Variants in ABCC9 observed in about 807,000 individuals in gnomAD.
The protein encoded by ABCC9 is ATP-binding cassette sub-family C member 9.
In ABCC9, 95 loss-of-function variants were observed where a neutral mutation model predicts 188.3. That is an observed-to-expected ratio of 0.50 (90% confidence interval 0.43 to 0.60). ABCC9 has a LOEUF of 0.60. Ranked by LOEUF, ABCC9 falls within the 20% of genes least tolerant of loss-of-function variation. The pLI is 0.00. For missense variants in ABCC9, 1,102 were observed against 1,876.3 expected (o/e 0.59, Z 7.62); for synonymous variants, 659 against 652.7 (o/e 1.01, Z -0.15).
rs1443380186 is a variant in ABCC9 at position 21,859,686 on chromosome 12, A to G, written c.2425-20T>C. ...GATGCCCTAGAGAAGAGACACCCCC[A>G]AATACCCATTTTTTAATATTAGTAA... On this transcript the variant is annotated intron_variant, in intron 21 of 39. Transcript: ENST00000261200. 1 of 1,603,170 alleles carries G rather than the reference A, an allele frequency of 6.2e-7. No homozygotes were observed. Among genetic ancestry groups the G allele is most frequent in the Admixed American group, 1.7e-5 (1 of 59,942 alleles).
At chr12:21,876,669 G>T (rs1946366238) in intron 16 of ABCC9, among the ~76,000 whole-genome samples, 1 of 152,120 alleles carries the variant, frequency 6.6e-6, no homozygotes, top group East Asian at 1.9e-4. Flanking sequence ...AACAGTAACA[G>T]AACCCAGGAA....
intron 29 of ABCC9, 151 bp downstream of exon 29, chr12:21,842,163 C>T (rs962140482): frequency 5.4e-5 from 48 of 890,116 alleles, no homozygotes; most frequent in East Asian, 1.1e-4. Flanking sequence ...ATGTAGTACT[C>T]GGCACATGAC....
In ABCC9 at chr12:21,829,056, C is replaced by T. The variant is rs2137272930; in HGVS notation, c.3571G>A (p.Glu1191Lys). The T allele has an allele frequency of 6.2e-7, 1 of 1,613,674 alleles. No individual in the cohort carries two copies. The highest frequency in any genetic ancestry group is 8.5e-7 in the Non-Finnish European group (1 of 1,179,678). The change falls in exon 31 of 40, where the codon GAA (glutamate) becomes AAA (lysine). Residue 1191 changes from glutamate (E) to lysine (K), a missense_variant. Around this residue, in one of 12 missense-constraint regions of ABCC9, gnomAD observed 143 missense variants for 225.6 expected, o/e 0.63. Transcript: ENST00000261200. ...AGCATACGTTGTTTAAATCTGGTTTCATGCCTGCAGAAAACAAAAACACGA... is the reference window on the plus strand; with the variant it reads ...AGCATACGTTGTTTAAATCTGGTTTTATGCCTGCAGAAAACAAAAACACGA... ...GLTTIRAFRH[E>K]TRFKQRMLEL...
At chr12:21,818,508 C>CTA (rs1236398856) in intron 31 of ABCC9, among the ~76,000 whole-genome samples, 4 of 131,242 alleles carry the variant, frequency 3.0e-5, no homozygotes, top group Non-Finnish European at 6.4e-5. Flanking sequence ...CTATATATAA[C>CTA]TATATAGATA....
At chr12:21,852,979 G>T (rs1323234841) in intron 22 of ABCC9, among the ~76,000 whole-genome samples, 2 of 152,084 alleles carry the variant, frequency 1.3e-5, no homozygotes, top group Admixed American at 6.6e-5. Context: ...GAATGAAAAA[G>T]ATAATTGTAC....
intron 18 of ABCC9, among the ~76,000 whole-genome samples, chr12:21,870,279 A>C (rs1245373014): frequency 6.6e-6 from 1 of 151,732 alleles, no homozygotes; most frequent in Non-Finnish European, 1.5e-5. Flanking sequence ...TTTTAAGAGA[A>C]ATGGTCTCAC....
intron 17 of ABCC9, 151 bp from the exon 18 acceptor site, chr12:21,872,881 A>G (rs1057039307): frequency 6.7e-6 from 4 of 595,346 alleles, no homozygotes; most frequent in South Asian, 2.2e-5. Context: ...CCTTTCTCTG[A>G]TAAGTCTTTT....
intron 12 of ABCC9, among the ~76,000 whole-genome samples, chr12:21,896,619 T>G (rs1387711347): frequency 1.3e-5 from 2 of 152,162 alleles, no homozygotes; most frequent in Non-Finnish European, 2.9e-5. Context: ...TGTGTCTGTG[T>G]GTTCTCATTA....
At chr12:21,902,097 C>G (rs1488831957) in intron 12 of ABCC9, among the ~76,000 whole-genome samples, 1 of 152,234 alleles carries the variant, frequency 6.6e-6, no homozygotes. Flanking sequence ...AACAAACTGT[C>G]TCTCAGACCA....
At chr12:21,921,308 T>C (rs958012221) in intron 5 of ABCC9, among the ~76,000 whole-genome samples, 1 of 152,114 alleles carries the variant, frequency 6.6e-6, no homozygotes, top group African/African-American at 2.4e-5. Flanking sequence ...TGATAAGCAT[T>C]TCTCCGATGA....
In ABCC9 at chr12:21,832,479, C is replaced by A. The variant is rs140403188; in HGVS notation, c.3567-3419G>T. 2.4e-3 allele frequency among the ~76,000 whole-genome samples: 367 copies of A among 152,246 alleles called. 1 individual carries two copies. Among genetic ancestry groups the A allele is most frequent in the African/African-American group, 8.4e-3 (347 of 41,546 alleles). ...CAGCAGGGCCATCCCATTTTCAAGACTTCTTTTGGGTTTAAAAATGCTGAT... is the reference window on the plus strand; with the variant it reads ...CAGCAGGGCCATCCCATTTTCAAGAATTCTTTTGGGTTTAAAAATGCTGAT... On this transcript the variant is annotated intron_variant, in intron 30 of 39. Coordinates refer to ENST00000261200, the MANE Select transcript of ABCC9 (RefSeq NM_020297.4).
At chr12:21,824,784 T>C (rs988769069) in intron 31 of ABCC9, among the ~76,000 whole-genome samples, 2 of 152,212 alleles carry the variant, frequency 1.3e-5, no homozygotes, top group African/African-American at 4.8e-5. Flanking sequence ...TGCATAGAGG[T>C]GTTTATTGCA....
chr12:21,883,680 G>A (rs565357675), intron 15 of ABCC9, among the ~76,000 whole-genome samples: 5 of 151,992 alleles, frequency 3.3e-5, no homozygotes, highest in South Asian at 4.2e-4. Context: ...TGAGCTACAC[G>A]GCACCCAGCT....
At chr12:21,925,235 A>G in intron 5 of ABCC9, 1 of 382,910 alleles carries the variant, frequency 2.6e-6, no homozygotes, top group South Asian at 6.3e-5. Flanking sequence ...GATGGGTCAG[A>G]GTATTGAACA....
chr12:21,848,415 A>C (rs1944795285), intron 24 of ABCC9, among the ~76,000 whole-genome samples, 169 bp from the exon 25 acceptor site: 1 of 152,128 alleles, frequency 6.6e-6, no homozygotes, highest in Non-Finnish European at 1.5e-5. Flanking sequence ...TGGGGGCAGA[A>C]CCTTAGACTT....
At chr12:21,852,324 G>A (rs117514003) in intron 23 of ABCC9, 44 bp downstream of exon 23, 11 of 1,611,436 alleles carry the variant, frequency 6.8e-6, no homozygotes, top group Non-Finnish European at 9.3e-6. Flanking sequence ...CTATTTATAT[G>A]ACTATAATAT....
chr12:21,846,895 T>C (rs987639667), intron 25 of ABCC9, among the ~76,000 whole-genome samples: 2 of 152,022 alleles, frequency 1.3e-5, no homozygotes, highest in African/African-American at 4.8e-5. Flanking sequence ...TTCCAAGCAA[T>C]GAAAGAGCCA....
At chr12:21,903,260 G>C (rs908834790) in intron 12 of ABCC9, among the ~76,000 whole-genome samples, 6 of 152,176 alleles carry the variant, frequency 3.9e-5, no homozygotes, top group African/African-American at 1.4e-4. Context: ...TCAATAAATT[G>C]GTATTGATGG....
intron 4 of ABCC9, among the ~76,000 whole-genome samples, chr12:21,929,166 C>T (rs1005522248): frequency 3.3e-5 from 5 of 151,882 alleles, no homozygotes; most frequent in Admixed American, 6.6e-5. Context: ...AATCAGTAAA[C>T]GCAATAAAAT....
Sources: allele counts gnomAD v4.1 joint callset (sites outside exome capture counted in the v4.1 genomes callset), GRCh38; gene constraint gnomAD v4.1.1; regional missense constraint gnomAD v4.1.1; transcripts MANE v1.5; gene names NCBI Gene and HGNC (gene_info 2026-07-23, HGNC 2026-07-21).